The following SERPINB8 variants were observed in gnomAD, a reference collection of about 807,000 sequenced individuals.
SERPINB8 encodes serpin B8.
SERPINB8 carries 25 observed loss-of-function variants against 35.3 expected under a neutral mutation model. The observed-to-expected ratio is 0.71, with a 90% CI of 0.52 to 0.99. SERPINB8 has a LOEUF of 0.99. Ranked by LOEUF, SERPINB8 falls within the 50% of genes least tolerant of loss-of-function variation. The pLI, the probability that SERPINB8 is intolerant of heterozygous loss-of-function variation, is 0.00. For synonymous variants in SERPINB8, 186 were observed against 160.8 expected, an observed-to-expected ratio of 1.16 and a Z score of -1.19; for missense variants, 484 against 446.5, an observed-to-expected ratio of 1.08 and a Z score of -0.76.
At chr18:64,008,589 A>C (rs10871806), downstream of SERPINB8, among the ~76,000 whole-genome samples, 89,730 of 151,592 alleles carry the variant, frequency 0.59, 26,864 homozygotes, top group East Asian at 0.69. Flanking sequence ...TTTTGGCCAG[A>C]ACAATATACA....
intron 7 of SERPINB8, among the ~76,000 whole-genome samples, chr18:64,013,243 C>A (rs1306792387): frequency 7.2e-5 from 11 of 152,050 alleles, no homozygotes; most frequent in Admixed American, 7.2e-4. Context: ...TGATTCCCCC[C>A]AGTGCCTGGC....
chr18:64,002,578 T>G (rs1429498946), intron 1 of SERPINB8, among the ~76,000 whole-genome samples: 1 of 152,188 alleles, frequency 6.6e-6, no homozygotes, highest in Admixed American at 6.5e-5. Context: ...CAGAATCGTT[T>G]TGGAGTCCTC....
intron 7 of SERPINB8, among the ~76,000 whole-genome samples, chr18:64,018,337 A>T (rs2050959954): frequency 6.6e-6 from 1 of 152,218 alleles, no homozygotes. Flanking sequence ...GGTGCTTTGA[A>T]TGGAAACAAA....
At chr18:63,983,372 T>C (rs1454032642) in intron 4 of SERPINB8, among the ~76,000 whole-genome samples, 20 of 152,176 alleles carry the variant, frequency 1.3e-4, no homozygotes, top group Non-Finnish European at 2.9e-4. Context: ...TAGTTGCCCT[T>C]CCTACTTCAA....
At chr18:63,997,616 G>A (rs1433785870) in intron 1 of SERPINB8, among the ~76,000 whole-genome samples, 1 of 152,196 alleles carries the variant, frequency 6.6e-6, no homozygotes, top group Non-Finnish European at 1.5e-5. Context: ...CAGCATAAAT[G>A]TGCAAAGCTT....
chr18:63,973,945 G>C (rs2050537297), intron 1 of SERPINB8, among the ~76,000 whole-genome samples: 1 of 152,146 alleles, frequency 6.6e-6, no homozygotes, highest in Non-Finnish European at 1.5e-5. Flanking sequence ...TGTTCTTTTT[G>C]CTTAGGATTG....
At chr18:63,995,545 G>C (rs1568282551) in intron 1 of SERPINB8, among the ~76,000 whole-genome samples, 1 of 152,130 alleles carries the variant, frequency 6.6e-6, no homozygotes, top group Non-Finnish European at 1.5e-5. Flanking sequence ...ATGTGTTCTT[G>C]GTATAGATGT....
At chr18:63,982,690 T>C (rs1000848574) in intron 4 of SERPINB8, among the ~76,000 whole-genome samples, 2 of 152,200 alleles carry the variant, frequency 1.3e-5, no homozygotes, top group African/African-American at 4.8e-5. Flanking sequence ...TTTCCAGTTG[T>C]TCAACAGTAC....
chr18:64,010,944 CATAT>C (rs10540776), intron 7 of SERPINB8, among the ~76,000 whole-genome samples: 113 of 149,080 alleles, frequency 7.6e-4, no homozygotes, highest in African/African-American at 1.0e-3. Flanking sequence ...TTACTATTAA[CATAT>C]ATATATATAT....
chr18:64,019,389 C>A (rs1279312373), exon 8 of SERPINB8: 1 of 152,296 alleles, frequency 6.6e-6, no homozygotes, highest in Non-Finnish European at 1.5e-5. Flanking sequence ...TAATTCAAGT[C>A]CTCATCATTT....
At chr18:64,002,504 T>A (rs2050880225) in intron 1 of SERPINB8, among the ~76,000 whole-genome samples, 1 of 152,012 alleles carries the variant, frequency 6.6e-6, no homozygotes, top group East Asian at 1.9e-4. Context: ...CGTGGATGAG[T>A]CCTTTGCACC....
At chr18:63,990,268 GT>G (rs1456928025), downstream of SERPINB8, among the ~76,000 whole-genome samples, 1 of 151,664 alleles carries the variant, frequency 6.6e-6, no homozygotes, top group African/African-American at 2.4e-5. Flanking sequence ...TAGATACAGG[GT>G]TTCCCCATGT....
At chr18:63,975,313 T>A (rs1171849423) in intron 1 of SERPINB8, among the ~76,000 whole-genome samples, 1 of 152,166 alleles carries the variant, frequency 6.6e-6, no homozygotes, top group Non-Finnish European at 1.5e-5. Context: ...GTCTGAATAT[T>A]CCTTCCTGCC....
In SERPINB8 at chr18:63,978,215, C is replaced by A. The variant is rs574184741; in HGVS notation, c.-10-84C>A. 2.1e-5 allele frequency: 30 copies of A among 1,448,778 alleles called. No homozygotes were observed. The East Asian group carries it at 6.6e-4, about 32-fold the overall frequency. 89.7% of individuals were successfully genotyped at this position (1,448,778 alleles called of 1,614,324 possible). On this transcript the variant is annotated intron_variant, in intron 1 of 6. Coordinates refer to ENST00000397985, the MANE Select transcript of SERPINB8 (RefSeq NM_002640.4). Reference sequence around the variant, plus strand: ...GTGGTTCTTCCACCTACCACCTCAGCGTCCACTGACTGGGGGATGAATGAC... The same window carrying A: ...GTGGTTCTTCCACCTACCACCTCAGAGTCCACTGACTGGGGGATGAATGAC...
At chr18:63,974,898 G>A (rs1377529116) in intron 1 of SERPINB8, among the ~76,000 whole-genome samples, 1 of 152,018 alleles carries the variant, frequency 6.6e-6, no homozygotes, top group Non-Finnish European at 1.5e-5. Flanking sequence ...GATATTGATG[G>A]GAAATACCAC....
At chr18:63,990,031 C>T (rs1171685610), downstream of SERPINB8, among the ~76,000 whole-genome samples, 1 of 146,164 alleles carries the variant, frequency 6.8e-6, no homozygotes, top group Non-Finnish European at 1.5e-5. Context: ...TTAAATGTCT[C>T]ATCGATATTT....
At position 63,984,190 on chromosome 18, in the gene SERPINB8, C is replaced by T. The variant is rs199553617; in HGVS notation, c.567+469C>T. ...AATGCCTCCTGTGTATCTTTAATGGCGGAAGGAAGAGAGAAACAAAAATAA... is the reference window on the plus strand; with the variant it reads ...AATGCCTCCTGTGTATCTTTAATGGTGGAAGGAAGAGAGAAACAAAAATAA... On this transcript the variant is annotated intron_variant, in intron 5 of 6. Transcript: ENST00000397985. 9.9e-5 allele frequency among the ~76,000 whole-genome samples: 15 copies of T among 152,244 alleles called. No homozygotes were observed. In the East Asian group the frequency reaches 1.5e-3, roughly 16 times the overall value.
downstream of SERPINB8, among the ~76,000 whole-genome samples, chr18:64,010,060 G>T (rs1382033181): frequency 6.6e-6 from 1 of 152,008 alleles, no homozygotes; most frequent in East Asian, 1.9e-4. Context: ...TCTTAAATAT[G>T]AAGTATTTCC....
chr18:64,017,134 C>T lies in SERPINB8; in HGVS notation c.*3-1776C>T, dbSNP rs1378237048. ...TTCTTTAAATTGATATTAGGCTCATCATTTTACAAAGTAAATACAGTTATA... is the reference window on the plus strand; with the variant it reads ...TTCTTTAAATTGATATTAGGCTCATTATTTTACAAAGTAAATACAGTTATA... On this transcript the variant is annotated intron_variant, in intron 7 of 7. Coordinates refer to the SERPINB8 transcript ENST00000636430. Among the ~76,000 whole-genome samples the T allele has an allele frequency of 3.3e-5, 5 of 152,124 alleles. No homozygotes were observed. In the East Asian group the frequency reaches 7.7e-4, roughly 23 times the overall value.
Sources: gnomAD v4.1 joint callset for allele counts (sites outside exome capture counted in the v4.1 genomes callset) on GRCh38, gnomAD v4.1.1 for gene constraint, MANE v1.5 for transcripts, NCBI Gene and HGNC (gene_info 2026-07-23, HGNC 2026-07-21) for gene names.